RPH3AL: variants seen among roughly 807,000 people sequenced by gnomAD.
RPH3AL encodes the protein rab effector Noc2.
In RPH3AL, 38 loss-of-function variants were observed where a neutral mutation model predicts 43.1. The observed-to-expected ratio is 0.88, with a 90% confidence interval of 0.68 to 1.15. The LOEUF (loss-of-function observed/expected upper bound fraction) is 1.15, where lower values mean the gene tolerates loss of function less well. Among genes scored for constraint, RPH3AL ranks in the 50% most tolerant of loss-of-function variants. The pLI, the probability that RPH3AL is intolerant of heterozygous loss-of-function variation, is 0.00. For synonymous variants in RPH3AL, 189 were observed against 176.3 expected (o/e 1.07, Z -0.57); for missense variants, 462 against 423.2 (o/e 1.09, Z -0.81).
chr17:223,173 G>C (rs1186763491), intron 7 of RPH3AL, among the ~76,000 whole-genome samples: 2 of 146,448 alleles, frequency 1.4e-5, no homozygotes, highest in Non-Finnish European at 3.0e-5. Flanking sequence ...CTGGGTGACA[G>C]AGCAAGACTC....
intron 1 of RPH3AL, among the ~76,000 whole-genome samples, chr17:351,766 G>A (rs2045357845): frequency 6.6e-6 from 1 of 151,912 alleles, no homozygotes; most frequent in African/African-American, 2.4e-5. Flanking sequence ...ACCATAAATA[G>A]AAAAACCATG....
In RPH3AL at chr17:215,029, G is replaced by A. The variant is rs888172808; in HGVS notation, c.876+625C>T. 2.8e-4 allele frequency among the ~76,000 whole-genome samples: 42 copies of A among 152,154 alleles called. No homozygotes were observed. Among genetic ancestry groups the A allele is most frequent in the Admixed American group, 6.5e-4 (10 of 15,278 alleles). On this transcript the variant is annotated intron_variant, in intron 9 of 9. Transcript: ENST00000331302. The surrounding 1 kb of genome is among the most constrained non-coding windows in gnomAD (Gnocchi z 4.1). ...GCAGGCGTTCCTGTGGGTGGCTGCC[G>A]GGTGCCCTCCACACCCCGGGGACGG...
intron 7 of RPH3AL, among the ~76,000 whole-genome samples, chr17:220,137 A>G (rs1182675464): frequency 5.3e-5 from 8 of 152,246 alleles, no homozygotes; most frequent in South Asian, 4.2e-4. Flanking sequence ...AGACCCAAGA[A>G]CAACAGCTCT....
At chr17:214,761 T>A (rs1300501088) in intron 9 of RPH3AL, 5 of 147,026 alleles carry the variant, frequency 3.4e-5, no homozygotes, top group Non-Finnish European at 5.9e-5. Flanking sequence ...CAGCATGAGA[T>A]CCTGTCTCAA....
At chr17:219,077 G>A (rs1193204754) in intron 8 of RPH3AL, among the ~76,000 whole-genome samples, 1 of 151,834 alleles carries the variant, frequency 6.6e-6, no homozygotes, top group African/African-American at 2.4e-5. Flanking sequence ...GCCTCAAGGA[G>A]CCTGTTGTCC....
chr17:351,642 G>A (rs574398955), intron 1 of RPH3AL, among the ~76,000 whole-genome samples: 10 of 152,086 alleles, frequency 6.6e-5, no homozygotes, highest in African/African-American at 1.9e-4. Context: ...GCCTCCACAC[G>A]CCACCAGCCA....
intron 7 of RPH3AL, among the ~76,000 whole-genome samples, chr17:230,905 C>G (rs1190123125): frequency 1.3e-5 from 2 of 152,232 alleles, no homozygotes; most frequent in Admixed American, 1.3e-4. Context: ...AGGTTGGTCT[C>G]GAACTCCTGG....
At chr17:244,611 T>C (rs1374419138) in intron 7 of RPH3AL, among the ~76,000 whole-genome samples, 1 of 152,114 alleles carries the variant, frequency 6.6e-6, no homozygotes, top group Non-Finnish European at 1.5e-5. Context: ...AGGAGCAGCG[T>C]CTGGTGAGAG....
At chr17:304,590 C>T (rs1044504016) in intron 5 of RPH3AL, among the ~76,000 whole-genome samples, 4 of 152,118 alleles carry the variant, frequency 2.6e-5, no homozygotes, top group Non-Finnish European at 5.9e-5. Context: ...CTCTGAGCAG[C>T]TGGTGCCTGG....
chr17:237,265 G>A (rs2041421428), intron 7 of RPH3AL, among the ~76,000 whole-genome samples: 1 of 152,216 alleles, frequency 6.6e-6, no homozygotes, highest in Non-Finnish European at 1.5e-5. Context: ...AACATCAAGT[G>A]AGCCACTGAA....
chr17:281,686 T>TC, intron 6 of RPH3AL, 82 bp downstream of exon 6: 1 of 438,600 alleles, frequency 2.3e-6, no homozygotes, highest in Non-Finnish European at 4.4e-6. Flanking sequence ...CTCCCCACCG[T>TC]CACCCTGACC....
At chr17:267,770 T>C (rs1357133621) in intron 6 of RPH3AL, among the ~76,000 whole-genome samples, 1 of 152,198 alleles carries the variant, frequency 6.6e-6, no homozygotes, top group Non-Finnish European at 1.5e-5. Flanking sequence ...TCTTTGGTTT[T>C]TCCCTGCATT....
chr17:314,672 G>C (rs9896138), intron 5 of RPH3AL, among the ~76,000 whole-genome samples: 5,539 of 131,054 alleles, frequency 0.042, 24 homozygotes, highest in Middle Eastern at 0.078. Flanking sequence ...TTGACCTGTA[G>C]TCTCTGTGAC....
At position 264,311 on chromosome 17, in the gene RPH3AL, C is replaced by T. The variant is rs11651389; in HGVS notation, c.439-17026G>A. ...GGATGGGGACTCAGAATCCGCAGCA[C>T]GTTGACAGCAGGATTACCCTTCGGA... On this transcript the variant is annotated intron_variant, in intron 6 of 9. Coordinates refer to ENST00000331302, the MANE Select transcript of RPH3AL (RefSeq NM_006987.4). This position sits in a 1 kb window ranked among gnomAD's most constrained non-coding sequence, Gnocchi z 4.8. Among the ~76,000 whole-genome samples, 8,471 of 50,330 alleles carry T rather than the reference C, an allele frequency of 0.17. 448 individuals are homozygous for T. The highest frequency in any genetic ancestry group is 0.36 in the Middle Eastern group (13 of 36). 33.0% of individuals were successfully genotyped at this position (50,330 alleles called of 152,430 possible). A position where few individuals can be genotyped will look rare whatever the true frequency, so the allele number is the denominator to read the frequency against.
intron 5 of RPH3AL, among the ~76,000 whole-genome samples, chr17:318,239 G>A (rs536167837): frequency 1.3e-3 from 191 of 152,004 alleles, no homozygotes; most frequent in Middle Eastern, 3.4e-3. Context: ...AAAATTAGCC[G>A]GTAGTGGTGG....
chr17:300,277 G>T (rs1441155781), intron 5 of RPH3AL, among the ~76,000 whole-genome samples: 2 of 86,410 alleles, frequency 2.3e-5, no homozygotes, highest in Non-Finnish European at 4.8e-5. Context: ...TCTAGCAGGG[G>T]CTGGCCCAGC....
intron 7 of RPH3AL, among the ~76,000 whole-genome samples, chr17:243,864 C>T (rs188809476): frequency 4.0e-4 from 60 of 148,610 alleles, no homozygotes; most frequent in Non-Finnish European, 6.5e-4. Context: ...CCTTCCTCTA[C>T]TGATTACACT....
In RPH3AL at chr17:345,924, G is replaced by A. The variant is rs74907441; in HGVS notation, c.-213+6788C>T. ...GTAAGGACAAATGGGATGCCAGTGG[G>A]CTCTGAGTCTCGAAGACCAGGACAT... On this transcript the variant is annotated intron_variant, in intron 1 of 9. Coordinates refer to ENST00000331302, the MANE Select transcript of RPH3AL (RefSeq NM_006987.4). 7.2e-3 allele frequency among the ~76,000 whole-genome samples: 976 copies of A among 135,394 alleles called. 136 individuals carry two copies. The highest frequency in any genetic ancestry group is 0.024 in the African/African-American group (936 of 39,582). The allele number at this position is 135,394 out of a possible 152,430, so 88.8% of individuals were successfully genotyped here. A position where few individuals can be genotyped will look rare whatever the true frequency, so the allele number is the denominator to read the frequency against.
chr17:291,840 A>G (rs1278273800), intron 5 of RPH3AL, among the ~76,000 whole-genome samples: 2 of 152,256 alleles, frequency 1.3e-5, no homozygotes, highest in East Asian at 3.8e-4. Flanking sequence ...TCCACCACGT[A>G]AATATGTAGA....
Sources: gnomAD v4.1 joint callset for allele counts (sites outside exome capture counted in the v4.1 genomes callset) on GRCh38, gnomAD v4.1.1 for gene constraint, Gnocchi (gnomAD v3.1) non-coding constraint, MANE v1.5 for transcripts, NCBI Gene and HGNC (gene_info 2026-07-23, HGNC 2026-07-21) for gene names.